The following ARHGAP31 variants were observed in gnomAD, a reference collection of about 807,000 sequenced individuals.
ARHGAP31 encodes the protein rho GTPase-activating protein 31.
In ARHGAP31, 34 loss-of-function variants were observed where a neutral mutation model predicts 113.9. That is an observed-to-expected ratio of 0.30 (90% CI 0.23 to 0.40). The LOEUF is 0.40. Among genes scored for constraint, ARHGAP31 ranks in the 10% least tolerant of loss-of-function variants. The pLI is 1.00. For missense variants in ARHGAP31, 1,548 were observed against 1,767.1 expected, an observed-to-expected ratio of 0.88 and a Z score of 2.22; for synonymous variants, 650 against 684.8, an observed-to-expected ratio of 0.95 and a Z score of 0.79.
intron 1 of ARHGAP31, chr3:119,329,847 C>A: frequency 1.0e-6 from 1 of 985,492 alleles, no homozygotes; most frequent in Non-Finnish European, 1.2e-6. Context: ...ACTGTCCCCA[C>A]CAAAGTGTTA....
chr3:119,390,633 C>A, intron 6 of ARHGAP31, 152 bp from the exon 7 acceptor site: 1 of 852,422 alleles, frequency 1.2e-6, no homozygotes, highest in Non-Finnish European at 1.9e-6. Context: ...GGTGTGCAGC[C>A]TCAGCCCCAG....
At chr3:119,369,660 C>A (rs74494473) in intron 3 of ARHGAP31, among the ~76,000 whole-genome samples, 2,623 of 152,110 alleles carry the variant, frequency 0.017, 47 homozygotes, top group East Asian at 0.061. Flanking sequence ...TTCAGTGGTA[C>A]AGGGAAATAC....
At chr3:119,312,855 T>C (rs1261772230) in intron 1 of ARHGAP31, among the ~76,000 whole-genome samples, 1 of 152,228 alleles carries the variant, frequency 6.6e-6, no homozygotes, top group East Asian at 1.9e-4. Flanking sequence ...AAAATTTTAA[T>C]TTTAATTAAT....
At chr3:119,314,426 T>A (rs1277437344) in intron 1 of ARHGAP31, 1 of 152,334 alleles carries the variant, frequency 6.6e-6, no homozygotes, top group Non-Finnish European at 1.5e-5. Context: ...TGATCCTGGG[T>A]CATCTCTGTG....
At chr3:119,389,027 G>A (rs993418457) in intron 6 of ARHGAP31, among the ~76,000 whole-genome samples, 2 of 152,050 alleles carry the variant, frequency 1.3e-5, no homozygotes, top group Non-Finnish European at 2.9e-5. Flanking sequence ...TTGGCATGGC[G>A]GTGGGTGCCT....
chr3:119,316,653 T>G (rs2079733956), intron 1 of ARHGAP31, among the ~76,000 whole-genome samples: 1 of 152,218 alleles, frequency 6.6e-6, no homozygotes, highest in Admixed American at 6.5e-5. Flanking sequence ...CTGCTTATTT[T>G]AAAGGATGGT....
At chr3:119,320,689 C>T (rs2079774819) in intron 1 of ARHGAP31, among the ~76,000 whole-genome samples, 1 of 152,192 alleles carries the variant, frequency 6.6e-6, no homozygotes, top group South Asian at 2.1e-4. Flanking sequence ...GAATCAGCTG[C>T]GATCTCATCA....
chr3:119,333,765 T>C (rs1488706364), intron 1 of ARHGAP31, among the ~76,000 whole-genome samples: 1 of 152,220 alleles, frequency 6.6e-6, no homozygotes. Context: ...TTTTATTCCT[T>C]TCTTTTCACC....
At chr3:119,309,757 CA>C (rs903094392) in intron 1 of ARHGAP31, among the ~76,000 whole-genome samples, 86 of 151,278 alleles carry the variant, frequency 5.7e-4, no homozygotes, top group Middle Eastern at 3.4e-3. Context: ...GACTCTGTCT[CA>C]AAAAAAACTA....
Position 119,323,163 on chromosome 3 carries a change from G to C in ARHGAP31, c.100+28159G>C, listed in dbSNP as rs1022797286. Reference sequence around the variant, plus strand: ...TTTCGGCGCTGGGGACTCACACGCTGCGGCGACAGGAAAGCCCGCGCCCCC... The same window carrying C: ...TTTCGGCGCTGGGGACTCACACGCTCCGGCGACAGGAAAGCCCGCGCCCCC... On this transcript the variant is annotated intron_variant, in intron 1 of 11. Coordinates refer to ENST00000264245, the MANE Select transcript of ARHGAP31 (RefSeq NM_020754.4). Among the ~76,000 whole-genome samples, 50 of 152,276 alleles carry C rather than the reference G, an allele frequency of 3.3e-4. 1 individual carries two copies. The highest frequency in any genetic ancestry group is 1.7e-3 in the East Asian group (9 of 5,166).
chr3:119,375,621 C>T (rs1233432042), intron 3 of ARHGAP31, among the ~76,000 whole-genome samples: 1 of 152,236 alleles, frequency 6.6e-6, no homozygotes, highest in East Asian at 1.9e-4. Context: ...TCATTTTTAT[C>T]AGAAAATAAC....
chr3:119,340,486 G>A (rs1306942543), intron 1 of ARHGAP31, among the ~76,000 whole-genome samples: 1 of 152,196 alleles, frequency 6.6e-6, no homozygotes, highest in African/African-American at 2.4e-5. Context: ...ATTAGATATA[G>A]GAGTAGCTCA....
In ARHGAP31 at chr3:119,413,910, A is replaced by C. The variant is rs1476967336; in HGVS notation, c.1981A>C (p.Lys661Gln). Residue 661 changes from lysine to glutamine, a missense_variant, in exon 12 of 12, where the codon AAA becomes CAA. Coordinates refer to ENST00000264245, the MANE Select transcript of ARHGAP31 (RefSeq NM_020754.4). ...CTGGCCTGAGATTCAACAGGAGCTG[A>C]AAATCATTGAATCTGAGGAGGAGCT... Reference protein sequence around the residue: ...LIWPEIQQELKIIESEEELSS... With the variant: ...LIWPEIQQELQIIESEEELSS... 6.2e-7 allele frequency: 1 copy of C among 1,614,184 alleles called. No homozygotes were observed. Among genetic ancestry groups the C allele is most frequent in the Admixed American group, 1.7e-5 (1 of 60,024 alleles).
At chr3:119,368,646 T>C (rs969856878) in intron 3 of ARHGAP31, 130 bp downstream of exon 3, 2 of 1,205,736 alleles carry the variant, frequency 1.7e-6, no homozygotes, top group African/African-American at 1.5e-5. Flanking sequence ...GTGAGGGAAG[T>C]AGGATAATAT....
intron 9 of ARHGAP31, 55 bp from the exon 10 acceptor site, chr3:119,401,767 C>A: frequency 6.4e-7 from 1 of 1,559,584 alleles, no homozygotes; most frequent in South Asian, 1.1e-5. Context: ...ACTGGAAGGC[C>A]TGCTATTGTA....
Position 119,383,097 on chromosome 3 carries a change from G to A in ARHGAP31, c.553G>A (p.Glu185Lys). 6.2e-7 allele frequency: 1 copy of A among 1,614,158 alleles called. No homozygotes were observed. The highest frequency in any genetic ancestry group is 8.5e-7 in the Non-Finnish European group (1 of 1,180,038). Reference sequence around the variant, plus strand: ...TCCACACGGTAGGTCTAAAGAAATTGAAGCCACTGGTTGCAATGGAGATGC... The same window carrying A: ...TCCACACGGTAGGTCTAAAGAAATTAAAGCCACTGGTTGCAATGGAGATGC... ...APNLLRSKEI[E>K]ATGCNGDAAF... Residue 185 changes from glutamate (E) to lysine (K), a missense_variant, in exon 6 of 12, where the codon GAA (glutamate) becomes AAA (lysine). Coordinates refer to ENST00000264245, the MANE Select transcript of ARHGAP31 (RefSeq NM_020754.4).
intron 1 of ARHGAP31, among the ~76,000 whole-genome samples, chr3:119,311,662 G>A (rs1200441060): frequency 1.3e-5 from 2 of 152,196 alleles, no homozygotes; most frequent in East Asian, 1.9e-4. Context: ...TGGGAGTGGA[G>A]GAAGAGATGG....
In ARHGAP31 at chr3:119,418,890, G is replaced by C. The variant is rs1042977140; in HGVS notation, c.*2626G>C. On this transcript the variant is annotated 3_prime_UTR_variant, in exon 12 of 12. Coordinates refer to ENST00000264245, the MANE Select transcript of ARHGAP31 (RefSeq NM_020754.4). Reference sequence around the variant, plus strand: ...CTGCTCAAGTGTGGACCTCCACTTTGACTCTCACCCAGCCTGCCAGCCATC... The same window carrying C: ...CTGCTCAAGTGTGGACCTCCACTTTCACTCTCACCCAGCCTGCCAGCCATC... 1 of 152,200 alleles carries C rather than the reference G, an allele frequency of 6.6e-6. No homozygotes were observed. Among genetic ancestry groups the C allele is most frequent in the African/African-American group, 2.4e-5 (1 of 41,446 alleles). 9.4% of individuals were successfully genotyped at this position (152,200 alleles called of 1,614,324 possible). A position where few individuals can be genotyped will look rare whatever the true frequency, so the allele number is the denominator to read the frequency against.
At position 119,354,476 on chromosome 3, in the gene ARHGAP31, TTGTGTG is replaced by T. The variant is rs5852200; in HGVS notation, c.101-10815_101-10810del. Among the ~76,000 whole-genome samples the T allele has an allele frequency of 1.8e-3, 261 of 147,896 alleles. 1 individual carries two copies. The highest frequency in any genetic ancestry group is 4.2e-3 in the African/African-American group (168 of 40,152). On this transcript the variant is annotated intron_variant, in intron 1 of 11. Transcript: ENST00000264245. ...TAACATTTCAGTGTGTGTGTGTGGT[TTGTGTG>T]TGTGTGTGTGTGTGTGTGTGTGTGG...
Sources: gnomAD v4.1 joint callset for allele counts (sites outside exome capture counted in the v4.1 genomes callset) on GRCh38, gnomAD v4.1.1 for gene constraint, MANE v1.5 for transcripts, NCBI Gene and HGNC (gene_info 2026-07-23, HGNC 2026-07-21) for gene names.